The following LTN1 variants were observed in gnomAD, a reference collection of about 807,000 sequenced individuals.
LTN1 encodes the protein listerin E3 ubiquitin protein ligase 1.
A neutral mutation model predicts 201.2 loss-of-function variants in LTN1; 88 were observed. The observed-to-expected ratio is 0.44, with a 90% CI of 0.37 to 0.52. The LOEUF (loss-of-function observed/expected upper bound fraction) is 0.52, where lower values mean the gene tolerates loss of function less well. Among genes scored for constraint, LTN1 ranks in the 20% least tolerant of loss-of-function variants. The pLI is 0.00. For synonymous variants in LTN1, 645 were observed against 713.5 expected (o/e 0.90, Z 1.53); for missense variants, 1,752 against 2,038.7 (o/e 0.86, Z 2.71).
At chr21:28,960,734 T>G (rs1453948144) in intron 11 of LTN1, 28 bp from the exon 12 acceptor site, 1 of 1,497,668 alleles carries the variant, frequency 6.7e-7, no homozygotes, top group Admixed American at 1.7e-5. Flanking sequence ...AAGCAAAGAT[T>G]AACAGCAAGA....
rs1296798106 is a variant in LTN1 at position 28,929,618 on chromosome 21, T to C, written c.*830A>G. On this transcript the variant is annotated 3_prime_UTR_variant, in exon 30 of 30. Coordinates refer to ENST00000361371, the MANE Select transcript of LTN1 (RefSeq NM_015565.3). Reference sequence around the variant, plus strand: ...GATCTTTAAGTTTCAGTAATACTCATTTATTTCTTCCCTCTCAATAGAAGG... The same window carrying C: ...GATCTTTAAGTTTCAGTAATACTCACTTATTTCTTCCCTCTCAATAGAAGG... 1.3e-5 allele frequency: 2 copies of C among 152,140 alleles called. No homozygotes were observed. The highest frequency in any genetic ancestry group is 4.8e-5 in the African/African-American group (2 of 41,442). The allele number at this position is 152,140 out of a possible 1,614,324, so 9.4% of individuals were successfully genotyped here. A position where few individuals can be genotyped will look rare whatever the true frequency, so the allele number is the denominator to read the frequency against.
chr21:28,941,214 A>C lies in LTN1; in HGVS notation c.4482+6T>G, dbSNP rs1214345484. ...AACTATCGAAAGTTGTCACATATTT[A>C]TTTACCTGTGATGATGCAGCTTTGA... On this transcript the variant is annotated splice_donor_region_variant and intron_variant, in intron 25 of 29. Coordinates refer to ENST00000361371, the MANE Select transcript of LTN1 (RefSeq NM_015565.3). 2 of 1,604,544 alleles carry C rather than the reference A, an allele frequency of 1.2e-6. No individual in the cohort carries two copies. Among genetic ancestry groups the C allele is most frequent in the African/African-American group, 2.7e-5 (2 of 74,556 alleles).
At chr21:28,965,479 T>G (rs2084513998) in intron 11 of LTN1, among the ~76,000 whole-genome samples, 1 of 152,188 alleles carries the variant, frequency 6.6e-6, no homozygotes, top group Non-Finnish European at 1.5e-5. Context: ...AAACTTAATT[T>G]TCTCATGTGT....
chr21:28,965,835 AAAAAAAAG>A (rs1209177576), intron 11 of LTN1, 22 bp downstream of exon 11: 1 of 1,280,740 alleles, frequency 7.8e-7, no homozygotes, highest in South Asian at 1.4e-5. Flanking sequence ...TAAATACAAA[AAAAAAAAG>A]AAAAAAAAAT....
Position 28,943,895 on chromosome 21 carries a change from T to C in LTN1, c.3992A>G (p.Lys1331Arg). The C allele has an allele frequency of 1.2e-6, 2 of 1,608,124 alleles. No homozygotes were observed. The highest frequency in any genetic ancestry group is 1.7e-6 in the Non-Finnish European group (2 of 1,174,678). ...CTGAAAGGATGTTTCAGACACATCT[T>C]TGTTTTCTCCTAATGACAAAAAGGA... ...PILVTVTGEN[K>R]DVSETSFQNA... The change falls in exon 23 of 30, where the codon AAA (lysine) becomes AGA (arginine). Residue 1331 changes from lysine to arginine, a missense_variant. Lys to Arg is a conservative substitution (Grantham distance 26). Coordinates refer to ENST00000361371, the MANE Select transcript of LTN1 (RefSeq NM_015565.3).
intron 27 of LTN1, among the ~76,000 whole-genome samples, chr21:28,934,750 C>T (rs1289416576): frequency 6.6e-6 from 1 of 152,200 alleles, no homozygotes; most frequent in Non-Finnish European, 1.5e-5. Context: ...AGCCACTGCA[C>T]CCGGCCTAAA....
chr21:28,940,439 G>GT (rs1184901472), intron 25 of LTN1, among the ~76,000 whole-genome samples: 1 of 151,982 alleles, frequency 6.6e-6, no homozygotes, highest in African/African-American at 2.4e-5. Context: ...CACCACTTAG[G>GT]TAACAGTTTG....
At chr21:28,960,752 C>A (rs1469073229) in intron 11 of LTN1, 46 bp from the exon 12 acceptor site, 1 of 1,296,162 alleles carries the variant, frequency 7.7e-7, no homozygotes, top group Admixed American at 1.8e-5. Flanking sequence ...AGATCAAATA[C>A]TCTCTCTGTC....
In LTN1 at chr21:28,928,729, G is replaced by A. The variant is rs900176777; in HGVS notation, c.*1719C>T. The A allele has an allele frequency of 4.6e-5, 7 of 152,186 alleles. 1 individual carries two copies. The highest frequency in any genetic ancestry group is 6.5e-5 in the Admixed American group (1 of 15,274). The allele number at this position is 152,186 out of a possible 1,614,324, so 9.4% of individuals were successfully genotyped here. On this transcript the variant is annotated 3_prime_UTR_variant, in exon 30 of 30. Transcript: ENST00000361371. ...TATAGTGTTTCACCAAGAATCTGATGCCCTAATACTAATGTGGAAAAACAA... is the reference window on the plus strand; with the variant it reads ...TATAGTGTTTCACCAAGAATCTGATACCCTAATACTAATGTGGAAAAACAA...
intron 11 of LTN1, 128 bp from the exon 12 acceptor site, chr21:28,960,834 T>A: frequency 3.2e-6 from 2 of 631,008 alleles, no homozygotes; most frequent in African/African-American, 3.7e-5. Flanking sequence ...CTCCTCCTCC[T>A]CCTGAAGTTC....
At chr21:28,937,761 C>T (rs1037538530) in intron 25 of LTN1, among the ~76,000 whole-genome samples, 1 of 152,066 alleles carries the variant, frequency 6.6e-6, no homozygotes, top group African/African-American at 2.4e-5. Context: ...TTCAGATTTT[C>T]GGATCTGGGA....
At chr21:28,988,260 A>G (rs1453510831) in intron 1 of LTN1, among the ~76,000 whole-genome samples, 1 of 152,066 alleles carries the variant, frequency 6.6e-6, no homozygotes, top group Admixed American at 6.6e-5. Flanking sequence ...TGAGCCCTGA[A>G]GTTCGAAACC....
In LTN1 at chr21:28,969,504, C is replaced by T; in HGVS notation, c.1273G>A (p.Gly425Ser). Residue 425 changes from glycine (G) to serine (S), a missense_variant, in exon 9 of 30, where the codon GGT (glycine) becomes AGT (serine). Physicochemically the swap from Gly to Ser is moderately conservative, Grantham distance 56 (BLOSUM62 0). This residue lies in a region of LTN1 where 1,211 missense variants were observed against 1,312.8 expected (regional missense o/e 0.92). Coordinates refer to ENST00000361371, the MANE Select transcript of LTN1 (RefSeq NM_015565.3). ...CLRFIMQQNL[G>S]EEEIEQMLVN... ...AGCATCTGTTCAATCTCTTCCTCAC[C>T]TAAGTTTTGCTGCATTATAAAACGT... 1 of 1,612,902 alleles carries T rather than the reference C, an allele frequency of 6.2e-7. No homozygotes were observed. Among genetic ancestry groups the T allele is most frequent in the Non-Finnish European group, 8.5e-7 (1 of 1,179,662 alleles).
chr21:28,972,677 T>C (rs532086141), intron 6 of LTN1, among the ~76,000 whole-genome samples: 2 of 152,148 alleles, frequency 1.3e-5, no homozygotes, highest in African/African-American at 4.8e-5. Flanking sequence ...GTAACAGACA[T>C]AGGGGATAAA....
At chr21:28,984,959 G>C (rs1205718232) in intron 3 of LTN1, 37 bp from the exon 4 acceptor site, 2 of 1,477,370 alleles carry the variant, frequency 1.4e-6, no homozygotes, top group Non-Finnish European at 9.3e-7. Context: ...AATAGCTCTA[G>C]CCCATAAAAA....
intron 10 of LTN1, 115 bp from the exon 11 acceptor site, chr21:28,966,021 C>T (rs528032509): frequency 4.0e-5 from 27 of 675,286 alleles, no homozygotes; most frequent in African/African-American, 3.9e-4. Context: ...CAATGTCTCA[C>T]CTCAGCCTCC....
chr21:28,957,920 A>C (rs2084439734), intron 14 of LTN1, among the ~76,000 whole-genome samples: 1 of 152,180 alleles, frequency 6.6e-6, no homozygotes, highest in African/African-American at 2.4e-5. Flanking sequence ...AACCAAGAAC[A>C]ATCAGTACAT....
At chr21:28,954,312 G>A (rs1362100825) in intron 16 of LTN1, among the ~76,000 whole-genome samples, 1 of 152,120 alleles carries the variant, frequency 6.6e-6, no homozygotes, top group Non-Finnish European at 1.5e-5. Flanking sequence ...CCCCCTTCTA[G>A]TAACTGTGTT....
chr21:28,936,445 C>T (rs1381724026), intron 26 of LTN1, 81 bp downstream of exon 26: 1 of 1,200,130 alleles, frequency 8.3e-7, no homozygotes, highest in African/African-American at 1.5e-5. Flanking sequence ...GGGTTATTCT[C>T]CACATTCTCA....
Sources: allele counts gnomAD v4.1 joint callset (sites outside exome capture counted in the v4.1 genomes callset), GRCh38; gene constraint gnomAD v4.1.1; regional missense constraint gnomAD v4.1.1; transcripts MANE v1.5; gene names NCBI Gene and HGNC (gene_info 2026-07-23, HGNC 2026-07-21).